The following PARD3B variants were observed in gnomAD, a reference collection of about 807,000 sequenced individuals.
PARD3B encodes the protein partitioning defective 3 homolog B.
Under a neutral mutation model 130.2 loss-of-function variants are expected in PARD3B, and 103 were observed. The observed-to-expected ratio is 0.79, with a 90% CI of 0.67 to 0.93. The LOEUF is 0.93. PARD3B is among the 40% of genes least tolerant of loss of function. The pLI, the probability that PARD3B is intolerant of heterozygous loss-of-function variation, is 0.00. For synonymous variants in PARD3B, 583 were observed against 553.2 expected, an observed-to-expected ratio of 1.05 and a Z score of -0.76; for missense variants, 1,609 against 1,499.2, an observed-to-expected ratio of 1.07 and a Z score of -1.21.
At chr2:204,888,776 G>A (rs139119222) in intron 2 of PARD3B, among the ~76,000 whole-genome samples, 132 of 147,236 alleles carry the variant, frequency 9.0e-4, no homozygotes, top group Middle Eastern at 3.6e-3. Context: ...AGATGAGGAG[G>A]CCTGAGAAAA....
intron 1 of PARD3B, among the ~76,000 whole-genome samples, chr2:204,607,623 T>C (rs1440972068): frequency 6.6e-6 from 1 of 151,534 alleles, no homozygotes; most frequent in African/African-American, 2.4e-5. Context: ...GAAAATTATT[T>C]TAAAAAAAAG....
At chr2:204,593,804 T>A (rs1444528527) in intron 1 of PARD3B, among the ~76,000 whole-genome samples, 1 of 152,164 alleles carries the variant, frequency 6.6e-6, no homozygotes, top group African/African-American at 2.4e-5. Flanking sequence ...TACACACCTC[T>A]CTACCTCTGC....
chr2:205,145,154 C>A (rs849106), intron 10 of PARD3B, among the ~76,000 whole-genome samples: 1 of 151,880 alleles, frequency 6.6e-6, no homozygotes, highest in Admixed American at 6.6e-5. Flanking sequence ...CCCTAAATAA[C>A]GGCACATATA....
At chr2:205,006,238 G>C (rs1466341462) in intron 3 of PARD3B, among the ~76,000 whole-genome samples, 1 of 152,072 alleles carries the variant, frequency 6.6e-6, no homozygotes, top group African/African-American at 2.4e-5. Flanking sequence ...GGTTGGTTCC[G>C]TATCTTTGCA....
Position 205,587,481 on chromosome 2 carries a change from G to A in PARD3B, c.3261-27975G>A, listed in dbSNP as rs149452489. On this transcript the variant is annotated intron_variant, in intron 22 of 22. Transcript: ENST00000406610. ...TAATGTTCTCAATAATAATACCGTG[G>A]CCATCAGAAATAGTTTATACTCTTT... 8.5e-5 allele frequency among the ~76,000 whole-genome samples: 13 copies of A among 152,176 alleles called. No homozygotes were observed. The East Asian group carries it at 2.5e-3, about 29-fold the overall frequency.
At chr2:205,452,697 C>T (rs544591433) in intron 20 of PARD3B, among the ~76,000 whole-genome samples, 10 of 152,216 alleles carry the variant, frequency 6.6e-5, no homozygotes, top group African/African-American at 2.4e-4. Flanking sequence ...TAATTTTTTT[C>T]CCGTCGTCTG....
At chr2:204,864,586 A>G (rs2045338564) in intron 2 of PARD3B, among the ~76,000 whole-genome samples, 1 of 152,196 alleles carries the variant, frequency 6.6e-6, no homozygotes, top group African/African-American at 2.4e-5. Flanking sequence ...ATTATCTAAT[A>G]TAGTCTAATA....
intron 15 of PARD3B, among the ~76,000 whole-genome samples, chr2:205,245,468 G>T (rs2039531957): frequency 6.6e-6 from 1 of 152,092 alleles, no homozygotes; most frequent in Admixed American, 6.6e-5. Flanking sequence ...CTGGGTCTAT[G>T]AATTTGGTTT....
chr2:205,185,251 CGTTTGT>C, intron 13 of PARD3B, among the ~76,000 whole-genome samples: 1 of 148,314 alleles, frequency 6.7e-6, no homozygotes, highest in Non-Finnish European at 1.5e-5. Flanking sequence ...AAAGAGCGCA[CGTTTGT>C]GTGTTTGTGT....
intron 10 of PARD3B, among the ~76,000 whole-genome samples, chr2:205,134,794 T>C (rs935779362): frequency 6.6e-6 from 1 of 152,188 alleles, no homozygotes; most frequent in African/African-American, 2.4e-5. Flanking sequence ...TGGTTCAGCA[T>C]TATTAAAACA....
At chr2:205,001,144 A>T (rs2125280101) in intron 3 of PARD3B, among the ~76,000 whole-genome samples, 1 of 152,186 alleles carries the variant, frequency 6.6e-6, no homozygotes, top group Non-Finnish European at 1.5e-5. Flanking sequence ...GCCTGCAACC[A>T]CACCTGGCTA....
intron 1 of PARD3B, among the ~76,000 whole-genome samples, chr2:204,627,516 C>T (rs1364279152): frequency 4.6e-5 from 7 of 152,056 alleles, no homozygotes; most frequent in Non-Finnish European, 8.8e-5. Flanking sequence ...CCTTATAACC[C>T]CTTCAGAATC....
intron 20 of PARD3B, among the ~76,000 whole-genome samples, chr2:205,497,064 G>A (rs2049954232): frequency 6.6e-6 from 1 of 151,900 alleles, no homozygotes; most frequent in African/African-American, 2.4e-5. Context: ...TGCTTTTCCT[G>A]CCTGCCCATG....
At chr2:205,136,029 A>G (rs1037565930) in intron 10 of PARD3B, among the ~76,000 whole-genome samples, 1 of 152,164 alleles carries the variant, frequency 6.6e-6, no homozygotes. Context: ...GGATGGCAGG[A>G]TATTCAATTA....
chr2:205,211,260 A>C (rs956185894), intron 15 of PARD3B, among the ~76,000 whole-genome samples: 1 of 152,094 alleles, frequency 6.6e-6, no homozygotes, highest in Non-Finnish European at 1.5e-5. Context: ...TGCTTTTATA[A>C]GACTGAAAAG....
Position 204,948,025 on chromosome 2 carries a change from G to A in PARD3B, c.223-17127G>A, listed in dbSNP as rs114472262. ...GCCAAGTCTGTATCTTGCTATGTTT[G>A]CACATACTTTGCTTTCTAAAGACTT... On this transcript the variant is annotated intron_variant, in intron 2 of 22. Transcript: ENST00000406610. 9.6e-4 allele frequency among the ~76,000 whole-genome samples: 146 copies of A among 152,284 alleles called. 1 individual carries two copies. The highest frequency in any genetic ancestry group is 3.4e-3 in the African/African-American group (141 of 41,568).
At chr2:204,612,385 C>T (rs908843437) in intron 1 of PARD3B, among the ~76,000 whole-genome samples, 6 of 152,112 alleles carry the variant, frequency 3.9e-5, no homozygotes, top group Non-Finnish European at 7.4e-5. Context: ...CTGCGGGTGC[C>T]CAGTTTGTGA....
At chr2:204,747,580 A>G (rs921351547) in intron 2 of PARD3B, among the ~76,000 whole-genome samples, 3 of 152,268 alleles carry the variant, frequency 2.0e-5, no homozygotes, top group Middle Eastern at 3.4e-3. Flanking sequence ...GGAAAAACCC[A>G]AAGTTCATAT....
At position 205,558,560 on chromosome 2, in the gene PARD3B, C is replaced by A. The variant is rs1402819920; in HGVS notation, c.3260+5157C>A. 6.6e-6 allele frequency among the ~76,000 whole-genome samples: 1 copy of A among 152,138 alleles called. No individual in the cohort carries two copies. The highest frequency in any genetic ancestry group is 2.4e-5 in the African/African-American group (1 of 41,426). On this transcript the variant is annotated intron_variant, in intron 22 of 22. Coordinates refer to ENST00000406610, the MANE Select transcript of PARD3B (RefSeq NM_001302769.2). The surrounding 1 kb of genome is among the most constrained non-coding windows in gnomAD (Gnocchi z 4.8). Reference sequence around the variant, plus strand: ...AAAAAGTGGGCTATACCTGTTGGTTCTATTTCCACTCAACCCACTCACACT... The same window carrying A: ...AAAAAGTGGGCTATACCTGTTGGTTATATTTCCACTCAACCCACTCACACT...
Sources: gnomAD v4.1 joint callset for allele counts (sites outside exome capture counted in the v4.1 genomes callset) on GRCh38, gnomAD v4.1.1 for gene constraint, Gnocchi (gnomAD v3.1) non-coding constraint, MANE v1.5 for transcripts, NCBI Gene and HGNC (gene_info 2026-07-23, HGNC 2026-07-21) for gene names.